Variants in DDAH1 observed in about 807,000 individuals in gnomAD.
The protein encoded by DDAH1 is N(G),N(G)-dimethylarginine dimethylaminohydrolase 1.
A neutral mutation model predicts 28.8 loss-of-function variants in DDAH1; 19 were observed. That is an observed-to-expected ratio of 0.66 (90% CI 0.46 to 0.97). The LOEUF (loss-of-function observed/expected upper bound fraction) is 0.97, where lower values mean the gene tolerates loss of function less well. Among genes scored for constraint, DDAH1 ranks in the 50% least tolerant of loss-of-function variants. The pLI, the probability that DDAH1 is intolerant of heterozygous loss-of-function variation, is 0.00. For missense variants in DDAH1, 326 were observed against 375.9 expected (o/e 0.87, Z 1.10); for synonymous variants, 153 against 154.4 (o/e 0.99, Z 0.07).
intron 2 of DDAH1, among the ~76,000 whole-genome samples, chr1:85,487,827 C>T (rs1035780048): frequency 5.3e-5 from 8 of 151,912 alleles, no homozygotes; most frequent in Non-Finnish European, 1.0e-4. Flanking sequence ...TTTTTAACTC[C>T]CATTGCAGTA....
chr1:85,451,256 A>G (rs866078852), intron 1 of DDAH1, among the ~76,000 whole-genome samples: 1 of 152,186 alleles, frequency 6.6e-6, no homozygotes, highest in Non-Finnish European at 1.5e-5. Flanking sequence ...GGAGGTCTCC[A>G]GTTTCCAGGA....
At position 85,320,805 on chromosome 1, in the gene DDAH1, C is replaced by G. The variant is rs931725879; in HGVS notation, c.*647G>C. The G allele has an allele frequency of 1.3e-5, 2 of 152,342 alleles. No homozygotes were observed. The highest frequency in any genetic ancestry group is 4.8e-5 in the African/African-American group (2 of 41,418). The allele number at this position is 152,342 out of a possible 1,614,324, so 9.4% of individuals were successfully genotyped here. On this transcript the variant is annotated 3_prime_UTR_variant, in exon 6 of 6. Transcript: ENST00000284031. The stretch of plus-strand genomic sequence containing the variant: ...TTTCAGTCACAGTTCTGCTGAGAAG[C>G]CTGTCTGCCCCTGGCAGGGGTGAGG...
At chr1:85,519,157 G>A (rs2100760219) in intron 1 of DDAH1, among the ~76,000 whole-genome samples, 1 of 129,572 alleles carries the variant, frequency 7.7e-6, no homozygotes, top group South Asian at 2.5e-4. Context: ...GCAGTGGCAT[G>A]ATCTTGGCTC....
intron 4 of DDAH1, among the ~76,000 whole-genome samples, chr1:85,341,637 A>AC (rs1478837112): frequency 6.6e-6 from 1 of 151,834 alleles, no homozygotes; most frequent in African/African-American, 2.4e-5. Flanking sequence ...ACACGGTAAA[A>AC]CCCCGTCTCT....
At chr1:85,536,003 G>A (rs1439866693) in intron 1 of DDAH1, among the ~76,000 whole-genome samples, 1 of 152,088 alleles carries the variant, frequency 6.6e-6, no homozygotes, top group East Asian at 2.0e-4. Flanking sequence ...GCTTGTGCTT[G>A]TAATCCCATC....
Position 85,353,600 on chromosome 1 carries a change from G to T in DDAH1, c.404-2021C>A, listed in dbSNP as rs547715072. ...AGATCAAAATTTAACTCAAGGAGAG[G>T]TATTTTACTTGAAAAAAGTATTATG... is the stretch of plus-strand genomic sequence containing the variant. On this transcript the variant is annotated intron_variant, in intron 2 of 5. Coordinates refer to ENST00000284031, the MANE Select transcript of DDAH1 (RefSeq NM_012137.4). Among the ~76,000 whole-genome samples, 3 of 152,018 alleles carry T rather than the reference G, an allele frequency of 2.0e-5. No individual in the cohort carries two copies. In the East Asian group the frequency reaches 5.8e-4, roughly 29 times the overall value.
In DDAH1 at chr1:85,484,508, C is replaced by A. The variant is rs1046708789; in HGVS notation, c.-7+11658G>T. 2.6e-5 allele frequency among the ~76,000 whole-genome samples: 4 copies of A among 152,044 alleles called. 1 individual carries two copies. In the South Asian group the frequency reaches 8.3e-4, roughly 32 times the overall value. Reference sequence around the variant, plus strand: ...GAAGGACTAGAACAAAGGTTAAATTCTTTACTTCTAGGAAACTGTGCTCTG... The same window carrying A: ...GAAGGACTAGAACAAAGGTTAAATTATTTACTTCTAGGAAACTGTGCTCTG... On this transcript the variant is annotated intron_variant, in intron 2 of 6. Coordinates refer to the DDAH1 transcript ENST00000426972.
At chr1:85,395,943 A>G (rs937348150) in intron 1 of DDAH1, among the ~76,000 whole-genome samples, 1 of 152,316 alleles carries the variant, frequency 6.6e-6, no homozygotes, top group East Asian at 1.9e-4. Flanking sequence ...CCTAGAAAAG[A>G]AAGATTCTGT....
chr1:85,392,646 A>G (rs1012058932), intron 1 of DDAH1, among the ~76,000 whole-genome samples: 1 of 151,870 alleles, frequency 6.6e-6, no homozygotes, highest in African/African-American at 2.4e-5. Flanking sequence ...TACAAAAATT[A>G]GCTGGGCGTG....
At chr1:85,443,486 C>G (rs56888838) in intron 1 of DDAH1, among the ~76,000 whole-genome samples, 6,633 of 152,218 alleles carry the variant, frequency 0.044, 248 homozygotes, top group South Asian at 0.18. Context: ...GTTCTTTTGG[C>G]TTAGGATTGT....
intron 1 of DDAH1, among the ~76,000 whole-genome samples, chr1:85,397,993 T>C (rs1217652489): frequency 8.3e-6 from 1 of 119,788 alleles, no homozygotes; most frequent in Non-Finnish European, 1.9e-5. Flanking sequence ...TAAACCTCTT[T>C]TTTTTTTTTT....
At chr1:85,350,346 G>A in intron 4 of DDAH1, 69 bp downstream of exon 4, 1 of 1,569,054 alleles carries the variant, frequency 6.4e-7, no homozygotes, top group African/African-American at 1.4e-5. Context: ...TCCCCCAGCA[G>A]AGAGAATGTG....
At chr1:85,481,100 T>G (rs1368937593) in intron 2 of DDAH1, among the ~76,000 whole-genome samples, 1 of 139,636 alleles carries the variant, frequency 7.2e-6, no homozygotes, top group Non-Finnish European at 1.5e-5. Flanking sequence ...GGTTTTTTGT[T>G]TTTTTTTTTT....
intron 1 of DDAH1, among the ~76,000 whole-genome samples, chr1:85,363,632 A>C (rs1271919430): frequency 1.3e-5 from 2 of 152,224 alleles, no homozygotes; most frequent in Admixed American, 1.3e-4. Flanking sequence ...GAAGCTGTTC[A>C]AGAAGCTGTC....
chr1:85,335,961 C>CTAAAATAAAA (rs1648081705), intron 4 of DDAH1, among the ~76,000 whole-genome samples: 1 of 129,998 alleles, frequency 7.7e-6, no homozygotes, highest in African/African-American at 3.1e-5. Flanking sequence ...GACCCTGTCT[C>CTAAAATAAAA]TAAAATGAAA....
At chr1:85,423,246 C>A (rs1037262727) in intron 1 of DDAH1, among the ~76,000 whole-genome samples, 1 of 152,186 alleles carries the variant, frequency 6.6e-6, no homozygotes, top group African/African-American at 2.4e-5. Flanking sequence ...GTTAGCTATT[C>A]TAGGTTTCTC....
chr1:85,569,656 C>T (rs1659396105), intron 1 of DDAH1, among the ~76,000 whole-genome samples: 1 of 152,184 alleles, frequency 6.6e-6, no homozygotes, highest in Non-Finnish European at 1.5e-5. Context: ...TTGGAAAAAG[C>T]ATTTGCAGGA....
chr1:85,429,671 G>A (rs1032526605), intron 1 of DDAH1, among the ~76,000 whole-genome samples: 5 of 152,138 alleles, frequency 3.3e-5, no homozygotes, highest in African/African-American at 7.2e-5. Context: ...ATCCTCTCCA[G>A]CACTGTTGTT....
chr1:85,350,386 A>G, intron 4 of DDAH1, 29 bp downstream of exon 4: 1 of 1,604,962 alleles, frequency 6.2e-7, no homozygotes, highest in Non-Finnish European at 8.5e-7. Context: ...CCCCCACTAC[A>G]TTTAGAAGGA....
Sources: gnomAD v4.1 joint callset for allele counts (sites outside exome capture counted in the v4.1 genomes callset) on GRCh38, gnomAD v4.1.1 for gene constraint, MANE v1.5 for transcripts, NCBI Gene and HGNC (gene_info 2026-07-23, HGNC 2026-07-21) for gene names.